ADARB1: variants seen among roughly 807,000 people sequenced by gnomAD.
ADARB1 encodes adenosine deaminase RNA specific B1, also known as double-stranded RNA-specific editase 1.
In ADARB1, 10 loss-of-function variants were observed where a neutral mutation model predicts 52.4. That is an observed-to-expected ratio of 0.19 (90% CI 0.12 to 0.32). The LOEUF is 0.32. ADARB1 is among the 10% of genes least tolerant of loss of function. ADARB1 has a pLI of 1.00. For missense variants in ADARB1, 643 were observed against 922.3 expected, an observed-to-expected ratio of 0.70 and a Z score of 3.92; for synonymous variants, 349 against 371.1, an observed-to-expected ratio of 0.94 and a Z score of 0.68.
chr21:45,083,438 C>T (rs761783660), intron 1 of ADARB1, among the ~76,000 whole-genome samples: 16 of 152,020 alleles, frequency 1.1e-4, no homozygotes, highest in African/African-American at 1.4e-4. Flanking sequence ...GTTATAAAAC[C>T]ATAAAGTTTG....
chr21:45,149,430 G>C (rs767187330), intron 2 of ADARB1, among the ~76,000 whole-genome samples: 8 of 152,222 alleles, frequency 5.3e-5, no homozygotes, highest in Non-Finnish European at 7.3e-5. Context: ...AGTTCAAATG[G>C]GGGCCGCATA....
intron 1 of ADARB1, among the ~76,000 whole-genome samples, chr21:45,094,522 C>T (rs775806841): frequency 1.3e-5 from 2 of 152,154 alleles, no homozygotes; most frequent in Non-Finnish European, 2.9e-5. Flanking sequence ...TGCTGCCAGG[C>T]GCCCCGCCAG....
At position 45,198,527 on chromosome 21, in the gene ADARB1, A is replaced by C. The variant is rs555248120; in HGVS notation, c.1566-6028A>C. 7.2e-5 allele frequency among the ~76,000 whole-genome samples: 11 copies of C among 152,174 alleles called. No individual in the cohort carries two copies. The South Asian group carries it at 2.3e-3, about 32-fold the overall frequency. ...CACACACACACACACACACATACAC[A>C]CACACACAGAGAATAAATTAAGAAA... On this transcript the variant is annotated intron_variant, in intron 8 of 10. Transcript: ENST00000348831.
chr21:45,075,220 CG>C (rs1456807266), intron 1 of ADARB1, among the ~76,000 whole-genome samples: 1 of 150,500 alleles, frequency 6.6e-6, no homozygotes, highest in Non-Finnish European at 1.5e-5. Context: ...GAGGCTGCCC[CG>C]GGTACAAGGT....
intron 2 of ADARB1, among the ~76,000 whole-genome samples, chr21:45,146,651 A>T (rs2090023219): frequency 6.6e-6 from 1 of 152,252 alleles, no homozygotes; most frequent in African/African-American, 2.4e-5. Context: ...CCTGACCCAG[A>T]GGGAGAAGGC....
Position 45,208,606 on chromosome 21 carries a change from G to A in ADARB1, c.1747+3870G>A, listed in dbSNP as rs545479260. On this transcript the variant is annotated intron_variant, in intron 9 of 10. Coordinates refer to ENST00000348831, the MANE Select transcript of ADARB1 (RefSeq NM_001112.4). The surrounding 1 kb of genome is among the most constrained non-coding windows in gnomAD (Gnocchi z 5.6). ...GAACATCACTGTGAGAGTGTGGAAAGTGTGTGTGTGTATGTGTGCGTGTGT... is the reference window on the plus strand; with the variant it reads ...GAACATCACTGTGAGAGTGTGGAAAATGTGTGTGTGTATGTGTGCGTGTGT... 2.1e-5 allele frequency among the ~76,000 whole-genome samples: 3 copies of A among 141,126 alleles called. No homozygotes were observed. The East Asian group carries it at 5.8e-4, about 27-fold the overall frequency. The allele number at this position is 141,126 out of a possible 152,430, so 92.6% of individuals were successfully genotyped here.
Position 45,208,157 on chromosome 21 carries a change from T to A in ADARB1, c.1747+3421T>A, listed in dbSNP as rs1360658775. On this transcript the variant is annotated intron_variant, in intron 9 of 10. Coordinates refer to ENST00000348831, the MANE Select transcript of ADARB1 (RefSeq NM_001112.4). This position sits in a 1 kb window ranked among gnomAD's most constrained non-coding sequence, Gnocchi z 5.6. Reference sequence around the variant, plus strand: ...AGCTTCTTATTTATGTCCATTGATCTCCTGAGTGTGAGCTCCTCAGCTGGC... The same window carrying A: ...AGCTTCTTATTTATGTCCATTGATCACCTGAGTGTGAGCTCCTCAGCTGGC... Among the ~76,000 whole-genome samples, 1 of 152,204 alleles carries A rather than the reference T, an allele frequency of 6.6e-6. No homozygotes were observed. The highest frequency in any genetic ancestry group is 1.5e-5 in the Non-Finnish European group (1 of 68,030).
Position 45,204,530 on chromosome 21 carries a change from A to C in ADARB1, c.1566-25A>C. 2.5e-6 allele frequency: 4 copies of C among 1,612,572 alleles called. No individual in the cohort carries two copies. The highest frequency in any genetic ancestry group is 3.4e-6 in the Non-Finnish European group (4 of 1,178,958). On this transcript the variant is annotated intron_variant, in intron 8 of 10. Transcript: ENST00000348831. The surrounding 1 kb of genome is among the most constrained non-coding windows in gnomAD (Gnocchi z 4.4). ...TCGACACTGAGTCCGAGCTCCCTGA[A>C]GACTGTGCTTTCTTCTCCCTCCAGC...
intron 2 of ADARB1, among the ~76,000 whole-genome samples, chr21:45,129,624 C>T (rs1392997424): frequency 6.6e-6 from 1 of 152,230 alleles, no homozygotes; most frequent in East Asian, 1.9e-4. Context: ...CACAGCCGTG[C>T]TCCCGCCTGG....
At chr21:45,206,560 C>CTTTTTTTT (rs71199660) in intron 9 of ADARB1, among the ~76,000 whole-genome samples, 17 of 54,960 alleles carry the variant, frequency 3.1e-4, no homozygotes, top group East Asian at 6.8e-4. Context: ...CTTCTCTGGT[C>CTTTTTTTT]TTTTTTTTTT....
rs377488142 is a variant in ADARB1 at position 45,223,867 on chromosome 21, C to T, written c.*1670C>T. The T allele has an allele frequency of 4.9e-4, 486 of 985,478 alleles. 3 individuals carry two copies. In the African/African-American group the frequency reaches 7.8e-3, roughly 16 times the overall value. The allele number at this position is 985,478 out of a possible 1,614,324, so 61.0% of individuals were successfully genotyped here. On this transcript the variant is annotated 3_prime_UTR_variant, in exon 11 of 11. Coordinates refer to ENST00000348831, the MANE Select transcript of ADARB1 (RefSeq NM_001112.4). ...GCAGGAAGGGGTGCTGCTTAGGGCT[C>T]ATTGTTGGGGACATGACCGGGTTCA...
intron 1 of ADARB1, among the ~76,000 whole-genome samples, chr21:45,113,714 T>C (rs2087674880): frequency 6.6e-6 from 1 of 152,072 alleles, no homozygotes; most frequent in Non-Finnish European, 1.5e-5. Context: ...GAGGAGCCTG[T>C]GCAGCACATG....
At chr21:45,136,150 G>A (rs769358403) in intron 2 of ADARB1, among the ~76,000 whole-genome samples, 13 of 152,118 alleles carry the variant, frequency 8.5e-5, no homozygotes, top group Non-Finnish European at 1.6e-4. Context: ...CCCCTTCTTG[G>A]TGGCCAGCTG....
At chr21:45,198,032 C>A (rs1388804626) in intron 8 of ADARB1, among the ~76,000 whole-genome samples, 1 of 151,938 alleles carries the variant, frequency 6.6e-6, no homozygotes, top group East Asian at 1.9e-4. Context: ...GTCAGTTGTA[C>A]CGCAGTAACT....
chr21:45,206,789 G>A (rs1404647712), intron 9 of ADARB1, among the ~76,000 whole-genome samples: 1 of 152,072 alleles, frequency 6.6e-6, no homozygotes, highest in Non-Finnish European at 1.5e-5. Context: ...GACCAGGCTG[G>A]TCTTGAATTC....
At chr21:45,133,188 G>A (rs979841148) in intron 2 of ADARB1, among the ~76,000 whole-genome samples, 4 of 152,254 alleles carry the variant, frequency 2.6e-5, no homozygotes, top group African/African-American at 4.8e-5. Flanking sequence ...GAGTTAAGGT[G>A]CCTGTATTGA....
intron 2 of ADARB1, among the ~76,000 whole-genome samples, chr21:45,158,218 G>C (rs2090766079): frequency 6.6e-6 from 1 of 151,452 alleles, no homozygotes; most frequent in Admixed American, 6.6e-5. Flanking sequence ...TCATTCTCCA[G>C]ACCCTGATTC....
chr21:45,143,630 G>A (rs988402001), intron 2 of ADARB1, among the ~76,000 whole-genome samples: 10 of 152,218 alleles, frequency 6.6e-5, no homozygotes, highest in African/African-American at 2.2e-4. Flanking sequence ...GTGCAGAGCC[G>A]CTGGACCTCC....
At position 45,159,461 on chromosome 21, in the gene ADARB1, AAT is replaced by A. The variant is rs2090847171; in HGVS notation, c.-47-12148_-47-12147del. On this transcript the variant is annotated intron_variant, in intron 2 of 10. Transcript: ENST00000348831. ...AACTATATCATCATCCTTGAAGCTAAATCTTTGAATGGGAGCAAAACCATAAT... is the reference window on the plus strand; with the variant it reads ...AACTATATCATCATCCTTGAAGCTAACTTTGAATGGGAGCAAAACCATAAT... Among the ~76,000 whole-genome samples the A allele has an allele frequency of 2.0e-5, 3 of 152,292 alleles. No individual in the cohort carries two copies. In the South Asian group the frequency reaches 6.2e-4, roughly 32 times the overall value.
Sources: allele counts gnomAD v4.1 joint callset (sites outside exome capture counted in the v4.1 genomes callset), GRCh38; gene constraint gnomAD v4.1.1; non-coding constraint Gnocchi (gnomAD v3.1); transcripts MANE v1.5; gene names NCBI Gene and HGNC (gene_info 2026-07-23, HGNC 2026-07-21).